Variants in LRP1B observed in about 807,000 individuals in gnomAD.
LRP1B encodes LDL receptor related protein 1B.
A neutral mutation model predicts 556.6 loss-of-function variants in LRP1B; 217 were observed. That is an observed-to-expected ratio of 0.39 (90% CI 0.35 to 0.44). The LOEUF is 0.44. LRP1B is among the 20% of genes least tolerant of loss of function. The pLI, the probability that LRP1B is intolerant of heterozygous loss-of-function variation, is 1.00. For synonymous variants in LRP1B, 2,047 were observed against 1,865.8 expected (o/e 1.10, Z -2.50); for missense variants, 5,053 against 5,620.8 (o/e 0.90, Z 3.23).
chr2:141,097,773 T>G (rs1230590128), intron 7 of LRP1B, among the ~76,000 whole-genome samples: 2 of 152,196 alleles, frequency 1.3e-5, no homozygotes, highest in Non-Finnish European at 2.9e-5. Context: ...TAGATTGGCT[T>G]ATATCATACA....
At chr2:140,950,996 C>T (rs926856549) in intron 19 of LRP1B, among the ~76,000 whole-genome samples, 2 of 152,134 alleles carry the variant, frequency 1.3e-5, no homozygotes, top group South Asian at 4.1e-4. Flanking sequence ...AATTTCTGTT[C>T]CACACAGAAA....
At chr2:141,413,065 A>G (rs537904128) in intron 3 of LRP1B, among the ~76,000 whole-genome samples, 1 of 152,210 alleles carries the variant, frequency 6.6e-6, no homozygotes, top group African/African-American at 2.4e-5. Context: ...CATCTCTACA[A>G]AAATGTTTAA....
intron 2 of LRP1B, among the ~76,000 whole-genome samples, chr2:141,644,206 T>C (rs145820978): frequency 0.042 from 6,318 of 152,140 alleles, 167 homozygotes; most frequent in South Asian, 0.085. Context: ...GAATTGTAAC[T>C]CTCACAATTC....
chr2:140,793,386 C>A (rs1021676816), intron 32 of LRP1B, among the ~76,000 whole-genome samples: 1 of 151,862 alleles, frequency 6.6e-6, no homozygotes, highest in South Asian at 2.1e-4. Flanking sequence ...TATATTATCG[C>A]AATATTTTAA....
intron 66 of LRP1B, among the ~76,000 whole-genome samples, chr2:140,406,759 C>A (rs1045685831): frequency 6.6e-6 from 1 of 152,106 alleles, no homozygotes; most frequent in Admixed American, 6.5e-5. Flanking sequence ...TGAAAATGAA[C>A]ATACTCTCCA....
chr2:140,666,956 C>T (rs1685299126), intron 41 of LRP1B, among the ~76,000 whole-genome samples: 1 of 152,208 alleles, frequency 6.6e-6, no homozygotes, highest in Non-Finnish European at 1.5e-5. Context: ...TAAGGCATAA[C>T]ATTTTTTTAA....
intron 11 of LRP1B, among the ~76,000 whole-genome samples, chr2:141,042,721 T>C (rs974626628): frequency 6.6e-6 from 1 of 152,148 alleles, no homozygotes; most frequent in South Asian, 2.1e-4. Context: ...ACGTGAGCAA[T>C]CTTGATACAG....
intron 11 of LRP1B, among the ~76,000 whole-genome samples, chr2:141,033,475 T>A (rs1484873250): frequency 6.6e-6 from 1 of 152,036 alleles, no homozygotes; most frequent in African/African-American, 2.4e-5. Context: ...GTGTAACAAT[T>A]GCCCCCAAAT....
intron 2 of LRP1B, among the ~76,000 whole-genome samples, chr2:141,521,483 A>C (rs920689450): frequency 6.7e-6 from 1 of 149,714 alleles, no homozygotes; most frequent in Admixed American, 6.7e-5. Context: ...AAAACTAAGA[A>C]AATTGGAGAA....
At chr2:141,770,441 G>T (rs1286190164) in intron 2 of LRP1B, among the ~76,000 whole-genome samples, 1 of 152,122 alleles carries the variant, frequency 6.6e-6, no homozygotes, top group African/African-American at 2.4e-5. Flanking sequence ...TTTAATAATT[G>T]TGAACTAATT....
chr2:141,006,050 T>C (rs1169484306), intron 14 of LRP1B, among the ~76,000 whole-genome samples: 1 of 151,966 alleles, frequency 6.6e-6, no homozygotes, highest in Admixed American at 6.6e-5. Context: ...TAACGAGGTA[T>C]ACAACAGACA....
intron 1 of LRP1B, among the ~76,000 whole-genome samples, chr2:141,818,624 C>T (rs1468586568): frequency 7.3e-6 from 1 of 137,406 alleles, no homozygotes; most frequent in Non-Finnish European, 1.5e-5. Context: ...GCAACCTCTG[C>T]CTCCCAGGTT....
In LRP1B at chr2:140,378,292, G is replaced by T. The variant is rs752130809; in HGVS notation, c.10532-6C>A. ...CAATGTACATGTCTGTGGCTCTGGG[G>T]ATAAAAAAACAGCACAGGGTTATTC... On this transcript the variant is annotated splice_polypyrimidine_tract_variant and splice_region_variant and intron_variant, in intron 67 of 90. Transcript: ENST00000389484. 3 of 1,540,822 alleles carry T rather than the reference G, an allele frequency of 1.9e-6. No homozygotes were observed. Among genetic ancestry groups the T allele is most frequent in the South Asian group, 1.1e-5 (1 of 89,098 alleles).
chr2:141,755,300 G>T (rs771772757), intron 2 of LRP1B, among the ~76,000 whole-genome samples: 4 of 151,954 alleles, frequency 2.6e-5, no homozygotes, highest in Admixed American at 6.6e-5. Context: ...TGTACAATAG[G>T]TTCTTATAAA....
intron 37 of LRP1B, among the ~76,000 whole-genome samples, chr2:140,712,432 GCTTT>G (rs1365969756): frequency 6.6e-6 from 1 of 151,892 alleles, no homozygotes; most frequent in Non-Finnish European, 1.5e-5. Context: ...TTGCCTCCCT[GCTTT>G]CTGTCTGTGA....
intron 2 of LRP1B, among the ~76,000 whole-genome samples, chr2:141,780,804 T>C (rs1028410090): frequency 2.0e-5 from 3 of 152,216 alleles, no homozygotes; most frequent in African/African-American, 2.4e-5. Flanking sequence ...CCCTAGACTT[T>C]ATTTACCTTC....
intron 43 of LRP1B, among the ~76,000 whole-genome samples, chr2:140,596,416 A>G (rs961063340): frequency 1.3e-5 from 2 of 152,142 alleles, no homozygotes; most frequent in African/African-American, 4.8e-5. Flanking sequence ...GATTTTACTG[A>G]TGTTCTTAAA....
At chr2:141,783,257 G>A (rs1283176191) in intron 2 of LRP1B, among the ~76,000 whole-genome samples, 1 of 151,972 alleles carries the variant, frequency 6.6e-6, no homozygotes, top group African/African-American at 2.4e-5. Flanking sequence ...CTTTAAATTA[G>A]GCAACTCTGT....
chr2:140,959,638 A>G (rs1695975589), intron 18 of LRP1B, among the ~76,000 whole-genome samples: 1 of 151,772 alleles, frequency 6.6e-6, no homozygotes, highest in Admixed American at 6.6e-5. Flanking sequence ...TAATTTATCT[A>G]TAATTTATAT....
Sources: gnomAD v4.1 joint callset for allele counts (sites outside exome capture counted in the v4.1 genomes callset) on GRCh38, gnomAD v4.1.1 for gene constraint, MANE v1.5 for transcripts, NCBI Gene and HGNC (gene_info 2026-07-23, HGNC 2026-07-21) for gene names.